SMU1: variants seen among roughly 807,000 people sequenced by gnomAD.
The protein encoded by SMU1 is SMU1 DNA replication regulator and spliceosomal factor.
In SMU1, 2 loss-of-function variants were observed where a neutral mutation model predicts 62.0. The observed-to-expected ratio is 0.03, with a 90% CI of 0.01 to 0.10. The LOEUF (loss-of-function observed/expected upper bound fraction) is 0.10, where lower values mean the gene tolerates loss of function less well. Ranked by LOEUF, SMU1 falls within the 10% of genes least tolerant of loss-of-function variation. The probability of loss-of-function intolerance (pLI) is 1.00; values close to 1 mark genes in which losing one functional copy is unlikely to be tolerated. For synonymous variants in SMU1, 188 were observed against 212.4 expected, an observed-to-expected ratio of 0.89 and a Z score of 1.00; for missense variants, 227 against 622.1, an observed-to-expected ratio of 0.36 and a Z score of 6.76.
Position 33,069,644 on chromosome 9 carries a change from T to C in SMU1, c.391-710A>G, listed in dbSNP as rs182263957. Among the ~76,000 whole-genome samples the C allele has an allele frequency of 3.3e-5, 5 of 151,636 alleles. No individual in the cohort carries two copies. In the East Asian group the frequency reaches 5.8e-4, roughly 18 times the overall value. On this transcript the variant is annotated intron_variant, in intron 3 of 11. Transcript: ENST00000397149. The stretch of plus-strand genomic sequence containing the variant: ...GGTGAAACTCTGTCGCTACTAAAAA[T>C]AGAAAAACTAGCCAGGCCATAGTGG...
intron 8 of SMU1, among the ~76,000 whole-genome samples, chr9:33,056,519 G>A (rs1839305881): frequency 6.6e-6 from 1 of 152,166 alleles, no homozygotes; most frequent in Non-Finnish European, 1.5e-5. Flanking sequence ...TGAGATCAGT[G>A]GGTCTCAGCT....
At chr9:33,073,205 T>C (rs1423045923) in intron 2 of SMU1, among the ~76,000 whole-genome samples, 1 of 152,010 alleles carries the variant, frequency 6.6e-6, no homozygotes, top group Non-Finnish European at 1.5e-5. Context: ...GAGACCACCC[T>C]GGGTATTATG....
intron 1 of SMU1, 66 bp downstream of exon 1, chr9:33,076,517 C>G (rs1839547798): frequency 1.3e-6 from 2 of 1,598,432 alleles, no homozygotes; most frequent in Non-Finnish European, 8.6e-7. Context: ...CCCGAGTACC[C>G]TCCGCCCCAC....
At chr9:33,048,405 G>T in intron 10 of SMU1, 147 bp from the exon 11 acceptor site, 1 of 927,976 alleles carries the variant, frequency 1.1e-6, no homozygotes, top group Non-Finnish European at 1.6e-6. Context: ...TGTTCATCAT[G>T]TGCTAACTCC....
intron 10 of SMU1, among the ~76,000 whole-genome samples, chr9:33,051,936 G>C (rs1205931669): frequency 1.3e-5 from 2 of 150,586 alleles, no homozygotes; most frequent in African/African-American, 4.9e-5. Flanking sequence ...AGAATCGCTT[G>C]AACCCGGCAG....
chr9:33,049,670 C>G (rs1018941375), intron 10 of SMU1, among the ~76,000 whole-genome samples: 7 of 152,036 alleles, frequency 4.6e-5, no homozygotes, highest in African/African-American at 1.7e-4. Context: ...GTGGCTCATG[C>G]CTGTAATCCC....
At chr9:33,054,108 G>A (rs571871969) in intron 9 of SMU1, among the ~76,000 whole-genome samples, 16 of 151,918 alleles carry the variant, frequency 1.1e-4, no homozygotes, top group Admixed American at 8.5e-4. Context: ...AATATAGTGC[G>A]ATCTTGTCTC....
chr9:33,058,826 C>G (rs1037469386), intron 6 of SMU1, among the ~76,000 whole-genome samples: 4 of 151,960 alleles, frequency 2.6e-5, no homozygotes, highest in Non-Finnish European at 5.9e-5. Context: ...GTCTGTAAAA[C>G]AAAACAAGCA....
At chr9:33,057,528 T>A (rs959381228) in intron 7 of SMU1, 70 bp downstream of exon 7, 13 of 1,558,980 alleles carry the variant, frequency 8.3e-6, no homozygotes, top group Non-Finnish European at 1.1e-5. Flanking sequence ...GAATATCATA[T>A]GTAGGACACT....
chr9:33,050,550 G>C (rs1182896548), intron 10 of SMU1, among the ~76,000 whole-genome samples: 1 of 146,964 alleles, frequency 6.8e-6, no homozygotes, highest in East Asian at 2.0e-4. Flanking sequence ...AAAAAAAGCC[G>C]GGTGTGGTGG....
chr9:33,057,546 A>G, intron 7 of SMU1, 52 bp downstream of exon 7: 11 of 1,605,368 alleles, frequency 6.9e-6, no homozygotes, highest in Non-Finnish European at 9.4e-6. Flanking sequence ...ACTACCCCAT[A>G]GCAGAACATT....
At chr9:33,067,148 T>C (rs1839429786) in intron 4 of SMU1, among the ~76,000 whole-genome samples, 1 of 152,066 alleles carries the variant, frequency 6.6e-6, no homozygotes, top group African/African-American at 2.4e-5. Flanking sequence ...AATAGCTATA[T>C]AAAAATAACT....
At chr9:33,064,543 T>A (rs1839397687) in intron 4 of SMU1, among the ~76,000 whole-genome samples, 1 of 152,212 alleles carries the variant, frequency 6.6e-6, no homozygotes, top group Non-Finnish European at 1.5e-5. Flanking sequence ...TTTGTGGTAT[T>A]CCCCATTGTC....
At chr9:33,072,514 A>G (rs1056513989) in intron 2 of SMU1, among the ~76,000 whole-genome samples, 1 of 152,102 alleles carries the variant, frequency 6.6e-6, no homozygotes, top group Non-Finnish European at 1.5e-5. Context: ...TTCTTTGGGA[A>G]TTATTGAACT....
At position 33,056,850 on chromosome 9, in the gene SMU1, C is replaced by A; in HGVS notation, c.982G>T (p.Asp328Tyr). 6.2e-7 allele frequency: 1 copy of A among 1,611,640 alleles called. No homozygotes were observed. The highest frequency in any genetic ancestry group is 1.1e-5 in the South Asian group (1 of 90,866). ...ATTTTTACTTACCTAATTGTCTGGT[C>A]AAAAGAAGCACTAAGGATCTGACTG... is the stretch of plus-strand genomic sequence containing the variant. ...DSSQILSASFDQTIRIHGLKS... is the reference protein window; with the variant it reads ...DSSQILSASFYQTIRIHGLKS... Residue 328 changes from aspartate (D) to tyrosine (Y), a missense_variant, in exon 8 of 12, where the codon GAC (aspartate) becomes TAC (tyrosine). Around this residue, in one of 5 missense-constraint regions of SMU1, gnomAD observed 98 missense variants for 195.9 expected, o/e 0.50. Transcript: ENST00000397149.
At chr9:33,062,324 A>C in intron 4 of SMU1, 147 bp from the exon 5 acceptor site, 1 of 972,154 alleles carries the variant, frequency 1.0e-6, no homozygotes, top group Non-Finnish European at 1.5e-6. Context: ...TCCAAACATA[A>C]AGTAATCTGT....
chr9:33,064,316 T>C (rs1391439228), intron 4 of SMU1, among the ~76,000 whole-genome samples: 2 of 152,222 alleles, frequency 1.3e-5, no homozygotes, highest in Non-Finnish European at 2.9e-5. Context: ...GTTTACCTTT[T>C]CCTTGGTGTT....
Sources: gnomAD v4.1 joint callset for allele counts (sites outside exome capture counted in the v4.1 genomes callset) on GRCh38, gnomAD v4.1.1 for gene constraint, gnomAD v4.1.1 regional missense constraint, MANE v1.5 for transcripts, NCBI Gene and HGNC (gene_info 2026-07-23, HGNC 2026-07-21) for gene names.